The following FAHD1 variants were observed in gnomAD, a reference collection of about 807,000 sequenced individuals.
The protein encoded by FAHD1 is FAH domain containing oxaloacetate decarboxylase 1.
FAHD1 carries 14 observed loss-of-function variants against 12.7 expected under a neutral mutation model. The observed-to-expected ratio is 1.10, with a 90% confidence interval of 0.73 to 1.72. The LOEUF (loss-of-function observed/expected upper bound fraction) is 1.72, where lower values mean the gene tolerates loss of function less well. Among genes scored for constraint, FAHD1 ranks in the 40% most tolerant of loss-of-function variants. The probability of loss-of-function intolerance (pLI) is 0.00; values close to 1 mark genes in which losing one functional copy is unlikely to be tolerated. For missense variants in FAHD1, 351 were observed against 298.9 expected (o/e 1.17, Z -1.29); for synonymous variants, 153 against 124.9 (o/e 1.22, Z -1.50).
In FAHD1 at chr16:1,837,565, G is replaced by A. The variant is rs926191363; in HGVS notation, c.628-451G>A. On this transcript the variant is annotated intron_variant, in intron 1 of 2. Coordinates refer to the FAHD1 transcript ENST00000382666. ...TTTAACCTTAAAGGATATTTTCTTT[G>A]TTGGTCTATTTTCTTTGATGTCTTT... is the stretch of plus-strand genomic sequence containing the variant. 5 of 342,942 alleles carry A rather than the reference G, an allele frequency of 1.5e-5. No homozygotes were observed. The Admixed American group carries it at 2.2e-4, about 15-fold the overall frequency. 21.2% of individuals were successfully genotyped at this position (342,942 alleles called of 1,614,324 possible).
chr16:1,828,139 G>A lies in FAHD1; in HGVS notation c.*235G>A, dbSNP rs564729944. The A allele has an allele frequency of 1.3e-3, 1,127 of 878,662 alleles. 4 individuals carry two copies. The highest frequency in any genetic ancestry group is 2.2e-3 in the South Asian group (111 of 49,684). 54.4% of individuals were successfully genotyped at this position (878,662 alleles called of 1,614,324 possible). ...TACTAAAAATACAAAAAATTAGCCG[G>A]GCGTGGTGGCGGGCGCCTGTAGTCC... On this transcript the variant is annotated 3_prime_UTR_variant, in exon 1 of 1. Coordinates refer to ENST00000427358, the Ensembl canonical transcript of FAHD1.
chr16:1,827,912 C>T (rs13166), exon 1 of FAHD1: 48 of 1,608,598 alleles, frequency 3.0e-5, no homozygotes, highest in Non-Finnish European at 3.9e-5. Flanking sequence ...TGAGTTATTT[C>T]TTAACAAGTT....
intron 1 of FAHD1, chr16:1,837,606 C>T: frequency 2.2e-6 from 1 of 458,932 alleles, no homozygotes; most frequent in Non-Finnish European, 3.9e-6. Flanking sequence ...CTCCTTTATA[C>T]AATATGAAAA....
exon 1 of FAHD1, chr16:1,828,274 CAAAAA>C (rs71145497): frequency 6.4e-5 from 51 of 801,512 alleles, no homozygotes; most frequent in Admixed American, 1.8e-4. Flanking sequence ...GACTCCGTCT[CAAAAA>C]AAAAAAAAAA....
At chr16:1,838,112 G>C (rs1428180193) in exon 2 of FAHD1, 2 of 638,230 alleles carry the variant, frequency 3.1e-6, no homozygotes, top group Non-Finnish European at 5.4e-6. Flanking sequence ...TCCTCCCTCA[G>C]CTTCCCGTTT....
At chr16:1,836,950 A>G (rs1397053109) in intron 1 of FAHD1, among the ~76,000 whole-genome samples, 1 of 152,174 alleles carries the variant, frequency 6.6e-6, no homozygotes, top group African/African-American at 2.4e-5. Flanking sequence ...ATACAAGAGA[A>G]AAGAGTTGAG....
rs775319534 is a variant in FAHD1, at chr16:1,839,385, T to C, written c.*132T>C. On this transcript the variant is annotated 3_prime_UTR_variant, in exon 3 of 3. Transcript: ENST00000382666. The stretch of plus-strand genomic sequence containing the variant: ...AGATTTAAAGTCCAAGGAGTTTTTG[T>C]TGCAAGTTGTGCACATGTTAGATGC... The C allele has an allele frequency of 6.2e-6, 10 of 1,614,030 alleles. No homozygotes were observed. The South Asian group carries it at 1.1e-4, about 18-fold the overall frequency.
chr16:1,839,309 G>A (rs201609657), exon 3 of FAHD1: 18 of 1,614,072 alleles, frequency 1.1e-5, no homozygotes, highest in Non-Finnish European at 1.1e-5. Flanking sequence ...AGGAATGAAG[G>A]GTGCCTGTGT....
exon 1 of FAHD1, chr16:1,827,376 C>G: frequency 1.9e-6 from 3 of 1,612,598 alleles, no homozygotes; most frequent in Non-Finnish European, 2.5e-6. Context: ...TGAAGCCGTC[C>G]ACGGCCTACG....
At position 1,834,874 on chromosome 16, in the gene FAHD1, G is replaced by T. The variant is rs574016375; in HGVS notation, c.628-3142G>T. Among the ~76,000 whole-genome samples the T allele has an allele frequency of 1.3e-4, 20 of 152,228 alleles. No individual in the cohort carries two copies. In the East Asian group the frequency reaches 3.9e-3, roughly 29 times the overall value. Reference sequence around the variant, plus strand: ...CCCTTGAACCCGGGAGGCAGAGGTTGCAGTGAGCAGAGATTGTGCCATTGC... The same window carrying T: ...CCCTTGAACCCGGGAGGCAGAGGTTTCAGTGAGCAGAGATTGTGCCATTGC... On this transcript the variant is annotated intron_variant, in intron 1 of 2. Coordinates refer to the FAHD1 transcript ENST00000382666.
At chr16:1,830,243 G>T (rs929935953), downstream of FAHD1, among the ~76,000 whole-genome samples, 2 of 152,204 alleles carry the variant, frequency 1.3e-5, no homozygotes, top group Non-Finnish European at 2.9e-5. Flanking sequence ...CATTTCTGCA[G>T]TACAACTTTC....
At chr16:1,834,250 A>G in intron 1 of FAHD1, 1 of 1,515,392 alleles carries the variant, frequency 6.6e-7, no homozygotes, top group Non-Finnish European at 9.1e-7. Flanking sequence ...AAAATGATAG[A>G]CCGTTTTAAA....
chr16:1,834,655 T>G (rs62038399), intron 1 of FAHD1, among the ~76,000 whole-genome samples: 27,077 of 152,262 alleles, frequency 0.18, 2,574 homozygotes, highest in South Asian at 0.27. Context: ...GGCCGGGTGC[T>G]GGTGCAGTGG....
chr16:1,830,990 TTCCCTTTCA>T (rs1898613146), downstream of FAHD1, among the ~76,000 whole-genome samples: 1 of 149,034 alleles, frequency 6.7e-6, no homozygotes, highest in East Asian at 2.0e-4. Flanking sequence ...AGAAAGACTC[TTCCCTTTCA>T]GCATACATCT....
intron 2 of FAHD1, among the ~76,000 whole-genome samples, chr16:1,838,909 C>G (rs535892972): frequency 6.6e-6 from 1 of 152,280 alleles, no homozygotes; most frequent in South Asian, 2.1e-4. Context: ...CCAGGCTGGT[C>G]TCAAACTCCT....
downstream of FAHD1, among the ~76,000 whole-genome samples, chr16:1,832,315 C>T (rs551242961): frequency 1.3e-5 from 2 of 149,728 alleles, no homozygotes; most frequent in South Asian, 2.1e-4. Flanking sequence ...GGACTACAGG[C>T]GCCCTCCACC....
At chr16:1,829,382 A>G (rs529172573), downstream of FAHD1, among the ~76,000 whole-genome samples, 374 of 152,268 alleles carry the variant, frequency 2.5e-3, 2 homozygotes, top group African/African-American at 8.1e-3. Flanking sequence ...TATGATCACT[A>G]CCATCCCCAT....
Position 1,827,261 on chromosome 16 carries a change from C to T in FAHD1, c.23C>T (p.Ser8Phe), listed in dbSNP as rs757623702. The T allele has an allele frequency of 5.0e-6, 8 of 1,611,448 alleles. No homozygotes were observed. In the East Asian group the frequency reaches 1.6e-4, roughly 31 times the overall value. ...ATCATGGCAGCATCCAGGCCATTGT[C>T]CCGCTTCTGGGAGTGGGGAAAGAAC... The change falls in exon 1 of 1, where the codon TCC (serine) becomes TTC (phenylalanine). Residue 8 changes from serine to phenylalanine, a missense_variant. Physicochemically the swap from Ser to Phe is radical, Grantham distance 155. Coordinates refer to ENST00000427358, the Ensembl canonical transcript of FAHD1.
At chr16:1,835,862 CTT>C (rs34146401) in intron 1 of FAHD1, among the ~76,000 whole-genome samples, 39 of 142,766 alleles carry the variant, frequency 2.7e-4, no homozygotes, top group Non-Finnish European at 3.1e-4. Flanking sequence ...ATTCCTTTTT[CTT>C]TTTTTTTTTT....
Sources: allele counts gnomAD v4.1 joint callset (sites outside exome capture counted in the v4.1 genomes callset), GRCh38; gene constraint gnomAD v4.1.1; transcripts MANE v1.5; gene names NCBI Gene and HGNC (gene_info 2026-07-23, HGNC 2026-07-21).